The following USH2A variants were observed in gnomAD, a reference collection of about 807,000 sequenced individuals.
USH2A encodes usherin.
A neutral mutation model predicts 538.9 loss-of-function variants in USH2A; 443 were observed. The observed-to-expected ratio is 0.82, with a 90% CI of 0.76 to 0.89. The LOEUF is 0.89. USH2A is among the 40% of genes least tolerant of loss of function. USH2A has a pLI of 0.00. For missense variants in USH2A, 6,633 were observed against 6,324.8 expected (o/e 1.05, Z -1.65); for synonymous variants, 2,413 against 2,273.5 (o/e 1.06, Z -1.75).
At chr1:215,911,324 A>T (rs1665775494) in intron 38 of USH2A, among the ~76,000 whole-genome samples, 1 of 151,788 alleles carries the variant, frequency 6.6e-6, no homozygotes, top group Non-Finnish European at 1.5e-5. Flanking sequence ...TTTTTAACCC[A>T]TTAAGCATCC....
chr1:215,888,817 G>T lies in USH2A; in HGVS notation c.7832C>A (p.Ser2611Ter), dbSNP rs1283222061. The change falls in exon 41 of 72, where the codon TCA (serine) becomes TAA (stop). Residue 2611 changes from serine to a stop codon, truncating the protein, a stop_gained. Transcript: ENST00000307340. LOFTEE classifies it high-confidence loss of function. ...TGTCCATACAGTCTGGGACTCTGGT[G>T]AAAGGGAACATCCTTTTGAAGTGCA... ...EACTSKGCSLSPESQTVWTLP... is the reference protein window; with the variant it reads ...EACTSKGCSL 6.2e-7 allele frequency: 1 copy of T among 1,614,146 alleles called. No homozygotes were observed.
intron 51 of USH2A, among the ~76,000 whole-genome samples, chr1:215,788,080 T>G (rs982408872): frequency 3.3e-5 from 5 of 152,150 alleles, no homozygotes; most frequent in Non-Finnish European, 7.3e-5. Flanking sequence ...TCTATCTATC[T>G]ATCCTCTAAA....
At chr1:216,150,627 C>T (rs1221427994) in intron 21 of USH2A, among the ~76,000 whole-genome samples, 1 of 152,164 alleles carries the variant, frequency 6.6e-6, no homozygotes, top group East Asian at 1.9e-4. Context: ...AACTCATTTA[C>T]TTTCTAGACA....
Position 215,844,427 on chromosome 1 carries a change from G to A in USH2A, c.9125C>T (p.Ser3042Phe). 2 of 1,613,348 alleles carry A rather than the reference G, an allele frequency of 1.2e-6. No individual in the cohort carries two copies. The highest frequency in any genetic ancestry group is 1.7e-6 in the Non-Finnish European group (2 of 1,179,872). Reference sequence around the variant, plus strand: ...GACAACACCATTTGGGTTTGAAGGAGATGTCCAGATGACACGTACAGCTGT... The same window carrying A: ...GACAACACCATTTGGGTTTGAAGGAAATGTCCAGATGACACGTACAGCTGT... ...NSTAVRVIWT[S>F]PSNPNGVVTE... The change falls in exon 46 of 72, where the codon TCT becomes TTT. Residue 3042 changes from serine to phenylalanine, a missense_variant. Physicochemically the swap from Ser to Phe is radical, Grantham distance 155. Transcript: ENST00000307340.
intron 21 of USH2A, among the ~76,000 whole-genome samples, chr1:216,148,538 C>G (rs983711445): frequency 1.3e-5 from 2 of 152,162 alleles, no homozygotes; most frequent in Admixed American, 6.5e-5. Context: ...ATGCCAATAT[C>G]CCACCTCACA....
intron 20 of USH2A, among the ~76,000 whole-genome samples, chr1:216,181,435 C>T (rs1244905188): frequency 1.3e-5 from 2 of 152,090 alleles, no homozygotes. Flanking sequence ...CACCTTGTTC[C>T]TTTACCTTAG....
At chr1:215,735,170 T>C (rs902516920) in intron 60 of USH2A, among the ~76,000 whole-genome samples, 8 of 152,224 alleles carry the variant, frequency 5.3e-5, no homozygotes, top group Admixed American at 1.3e-4. Flanking sequence ...CAGTGGCAGG[T>C]ACCCCTCTTC....
intron 21 of USH2A, among the ~76,000 whole-genome samples, chr1:216,128,575 G>A (rs533902541): frequency 7.9e-5 from 12 of 151,900 alleles, no homozygotes; most frequent in East Asian, 1.9e-4. Flanking sequence ...TCTTTTTCTC[G>A]TCAAGTTAAC....
intron 60 of USH2A, among the ~76,000 whole-genome samples, chr1:215,734,025 C>A (rs1234833444): frequency 6.6e-6 from 1 of 152,350 alleles, no homozygotes; most frequent in South Asian, 2.1e-4. Flanking sequence ...ACCACACTTG[C>A]CTTCTGCACT....
At chr1:216,051,596 A>T (rs2030787181) in intron 30 of USH2A, among the ~76,000 whole-genome samples, 1 of 152,264 alleles carries the variant, frequency 6.6e-6, no homozygotes, top group Non-Finnish European at 1.5e-5. Flanking sequence ...AATGTCAATA[A>T]GGAAAAGCAT....
intron 46 of USH2A, among the ~76,000 whole-genome samples, chr1:215,841,075 C>T (rs188991761): frequency 1.3e-5 from 2 of 152,204 alleles, no homozygotes. Flanking sequence ...ACATTCCATG[C>T]TCATGGATAG....
chr1:215,741,066 T>A (rs1198503525), intron 60 of USH2A, among the ~76,000 whole-genome samples: 2 of 152,178 alleles, frequency 1.3e-5, no homozygotes, highest in Non-Finnish European at 2.9e-5. Context: ...AGGACTGTTC[T>A]GCCCCATCAC....
intron 32 of USH2A, among the ~76,000 whole-genome samples, chr1:216,012,873 C>T (rs1259588080): frequency 6.6e-6 from 1 of 152,126 alleles, no homozygotes; most frequent in Non-Finnish European, 1.5e-5. Flanking sequence ...CCAACTTAGA[C>T]TGTGCCCCAA....
chr1:216,146,266 A>G (rs1026575944), intron 21 of USH2A, among the ~76,000 whole-genome samples: 2 of 152,026 alleles, frequency 1.3e-5, no homozygotes, highest in African/African-American at 4.8e-5. Context: ...TCTCCTTTCA[A>G]TCTTGGTGCC....
chr1:216,152,069 C>T (rs1242056012), intron 21 of USH2A, among the ~76,000 whole-genome samples: 1 of 152,116 alleles, frequency 6.6e-6, no homozygotes. Context: ...CTCTAGGTTC[C>T]CACGCCGCCC....
At chr1:216,005,130 A>G (rs907911970) in intron 32 of USH2A, among the ~76,000 whole-genome samples, 1 of 152,136 alleles carries the variant, frequency 6.6e-6, no homozygotes, top group Non-Finnish European at 1.5e-5. Flanking sequence ...ACACTAGACT[A>G]GACATTATTC....
chr1:215,955,661 T>C (rs1558180869), intron 37 of USH2A, among the ~76,000 whole-genome samples: 2 of 152,176 alleles, frequency 1.3e-5, no homozygotes, highest in Admixed American at 6.6e-5. Context: ...ATCCAAATTC[T>C]CTAAAAGCCA....
chr1:216,266,494 A>C (rs1452727447), intron 11 of USH2A, among the ~76,000 whole-genome samples: 2 of 152,170 alleles, frequency 1.3e-5, no homozygotes, highest in Non-Finnish European at 2.9e-5. Context: ...AAAGAATACA[A>C]ACATTTTCTG....
chr1:216,242,614 TC>T lies in USH2A; in HGVS notation c.2809+3970del, dbSNP rs750979219. 9.9e-5 allele frequency among the ~76,000 whole-genome samples: 15 copies of T among 152,238 alleles called. 1 individual carries two copies. The highest frequency in any genetic ancestry group is 3.9e-4 in the Admixed American group (6 of 15,290). The stretch of plus-strand genomic sequence containing the variant: ...AAACAGGTTGATAATTTCTTTCACT[TC>T]ACCATTCCTCCTTTTAAACCACTTA... On this transcript the variant is annotated intron_variant, in intron 13 of 71. Transcript: ENST00000307340.
Sources: gnomAD v4.1 joint callset for allele counts (sites outside exome capture counted in the v4.1 genomes callset) on GRCh38, gnomAD v4.1.1 for gene constraint, MANE v1.5 for transcripts, NCBI Gene and HGNC (gene_info 2026-07-23, HGNC 2026-07-21) for gene names.